The following SDK1 variants were observed in gnomAD, a reference collection of about 807,000 sequenced individuals.
SDK1 encodes sidekick cell adhesion molecule 1, also known as protein sidekick-1.
Under a neutral mutation model 245.5 loss-of-function variants are expected in SDK1, and 157 were observed. That is an observed-to-expected ratio of 0.64 (90% CI 0.56 to 0.73). SDK1 has a LOEUF of 0.73. Among genes scored for constraint, SDK1 ranks in the 30% least tolerant of loss-of-function variants. The probability of loss-of-function intolerance (pLI) is 0.00; values close to 1 mark genes in which losing one functional copy is unlikely to be tolerated. For missense variants in SDK1, 3,583 were observed against 3,002.3 expected (o/e 1.19, Z -4.52); for synonymous variants, 1,647 against 1,278.5 (o/e 1.29, Z -6.15).
At chr7:3,812,261 AG>A (rs1341402692) in intron 4 of SDK1, among the ~76,000 whole-genome samples, 1 of 152,236 alleles carries the variant, frequency 6.6e-6, no homozygotes, top group African/African-American at 2.4e-5. Flanking sequence ...AAATACTTAG[AG>A]ATTCCCTTCT....
At chr7:4,132,189 TA>T (rs1195544952) in intron 27 of SDK1, 135 bp from the exon 28 acceptor site, 2 of 635,246 alleles carry the variant, frequency 3.1e-6, no homozygotes, top group Admixed American at 4.9e-5. Context: ...TCCAAAACTT[TA>T]GGGGGTTCTA....
At chr7:3,944,304 C>T (rs932428746) in intron 5 of SDK1, among the ~76,000 whole-genome samples, 2 of 152,216 alleles carry the variant, frequency 1.3e-5, no homozygotes, top group African/African-American at 4.8e-5. Flanking sequence ...AAATGGGCAA[C>T]ATGTGTAAAT....
chr7:4,216,608 T>A (rs1168601105), intron 38 of SDK1, among the ~76,000 whole-genome samples: 1 of 152,328 alleles, frequency 6.6e-6, no homozygotes, highest in East Asian at 1.9e-4. Flanking sequence ...TCAGGCATCC[T>A]TGAAGTATAT....
intron 1 of SDK1, among the ~76,000 whole-genome samples, chr7:3,384,464 A>C (rs1415879216): frequency 6.6e-6 from 1 of 152,244 alleles, no homozygotes. Context: ...TAGAAGAGTC[A>C]CAGTGTATAC....
intron 1 of SDK1, among the ~76,000 whole-genome samples, chr7:3,576,215 C>T (rs1341214115): frequency 1.3e-5 from 2 of 152,106 alleles, no homozygotes; most frequent in Non-Finnish European, 2.9e-5. Context: ...TAATGCTGTG[C>T]CATTCAGACT....
intron 1 of SDK1, among the ~76,000 whole-genome samples, chr7:3,331,542 CA>C (rs1249697876): frequency 1.3e-5 from 2 of 151,994 alleles, no homozygotes; most frequent in African/African-American, 4.8e-5. Context: ...AGTGCTTTAT[CA>C]GGTATGATTT....
In SDK1 at chr7:3,859,214, G is replaced by T. The variant is rs10248032; in HGVS notation, c.847+37631G>T. Among the ~76,000 whole-genome samples the T allele has an allele frequency of 9.4e-3, 1,435 of 152,138 alleles. 27 individuals are homozygous for T. The highest frequency in any genetic ancestry group is 0.033 in the African/African-American group (1,361 of 41,482). On this transcript the variant is annotated intron_variant, in intron 5 of 44. Coordinates refer to ENST00000404826, the MANE Select transcript of SDK1 (RefSeq NM_152744.4). ...TGGGTCATGAATTGGAAAAGGGCTC[G>T]GCAGGTGATGGTTGGGGGCTCAACT...
At chr7:3,837,255 C>T (rs1780048686) in intron 5 of SDK1, among the ~76,000 whole-genome samples, 1 of 152,088 alleles carries the variant, frequency 6.6e-6, no homozygotes, top group Non-Finnish European at 1.5e-5. Context: ...CATTTGTGGC[C>T]TGGATTTGCT....
At chr7:4,039,964 A>G (rs1200634211) in intron 17 of SDK1, among the ~76,000 whole-genome samples, 6 of 152,228 alleles carry the variant, frequency 3.9e-5, no homozygotes, top group Non-Finnish European at 8.8e-5. Context: ...AATTAATTGA[A>G]TAAGAAGCGC....
intron 1 of SDK1, among the ~76,000 whole-genome samples, chr7:3,309,362 A>T (rs995287367): frequency 6.7e-6 from 1 of 149,622 alleles, no homozygotes; most frequent in Non-Finnish European, 1.5e-5. Flanking sequence ...TGTGGTTTCC[A>T]CAGCCAAGTT....
At chr7:3,514,488 G>C (rs1366327060) in intron 1 of SDK1, among the ~76,000 whole-genome samples, 1 of 152,158 alleles carries the variant, frequency 6.6e-6, no homozygotes. Flanking sequence ...GATAGTCCAG[G>C]GTTGGTTTGG....
chr7:3,984,013 A>C (rs1265350849), intron 13 of SDK1, among the ~76,000 whole-genome samples: 1 of 152,154 alleles, frequency 6.6e-6, no homozygotes, highest in African/African-American at 2.4e-5. Flanking sequence ...TAAGTTTTTA[A>C]GTATTTGTTT....
chr7:3,472,961 G>C (rs577845403), intron 1 of SDK1, among the ~76,000 whole-genome samples: 5 of 152,196 alleles, frequency 3.3e-5, no homozygotes, highest in African/African-American at 1.2e-4. Context: ...ACACAGACCA[G>C]TGGTCTGCTA....
intron 1 of SDK1, among the ~76,000 whole-genome samples, chr7:3,568,480 G>A (rs1302410734): frequency 6.6e-6 from 1 of 152,030 alleles, no homozygotes; most frequent in Non-Finnish European, 1.5e-5. Flanking sequence ...ATTCACCTTT[G>A]AATCCCTAAA....
intron 1 of SDK1, among the ~76,000 whole-genome samples, chr7:3,315,044 G>C (rs1358200036): frequency 6.6e-6 from 1 of 152,116 alleles, no homozygotes; most frequent in African/African-American, 2.4e-5. Flanking sequence ...ATCCCTATCT[G>C]TGTTCGTCAA....
intron 1 of SDK1, among the ~76,000 whole-genome samples, chr7:3,438,025 T>G (rs1367354185): frequency 6.6e-6 from 1 of 152,188 alleles, no homozygotes; most frequent in Non-Finnish European, 1.5e-5. Context: ...AGTGGAATTA[T>G]TCTGCATTTT....
chr7:3,945,588 A>T (rs1349576016), intron 5 of SDK1, among the ~76,000 whole-genome samples: 1 of 152,140 alleles, frequency 6.6e-6, no homozygotes, highest in Admixed American at 6.5e-5. Context: ...AAACATCCAA[A>T]AGACCAGTTA....
rs750210098 is a variant in SDK1, at chr7:4,129,999, G to A, written c.4031G>A (p.Arg1344His). ...HTQSALLAGL[R>H]KFVLYELQVL... ...CAGTCGGCCCTGCTGGCAGGCCTGC[G>A]CAAGTTCGTGCTCTACGAGCTCCAG... The change falls in exon 27 of 45, where the codon CGC (arginine) becomes CAC (histidine). Residue 1344 changes from arginine (R) to histidine (H), a missense_variant. Coordinates refer to ENST00000404826, the MANE Select transcript of SDK1 (RefSeq NM_152744.4). 5.0e-6 allele frequency: 8 copies of A among 1,613,538 alleles called. No homozygotes were observed. Among genetic ancestry groups the A allele is most frequent in the African/African-American group, 4.0e-5 (3 of 74,938 alleles).
chr7:4,165,681 G>A (rs982809835), intron 32 of SDK1, among the ~76,000 whole-genome samples: 2 of 152,136 alleles, frequency 1.3e-5, no homozygotes, highest in Non-Finnish European at 2.9e-5. Context: ...GTAGAGACAG[G>A]ATTTCATCAT....
Sources: allele counts gnomAD v4.1 joint callset (sites outside exome capture counted in the v4.1 genomes callset), GRCh38; gene constraint gnomAD v4.1.1; transcripts MANE v1.5; gene names NCBI Gene and HGNC (gene_info 2026-07-23, HGNC 2026-07-21).